Variants in ZNF277 observed in about 807,000 individuals in gnomAD.
ZNF277 encodes the protein nuclear receptor-interacting factor 4.
Under a neutral mutation model 60.7 loss-of-function variants are expected in ZNF277, and 55 were observed. The ratio of observed to expected loss-of-function variants is 0.91; its 90% confidence interval spans 0.73 to 1.13. The LOEUF (loss-of-function observed/expected upper bound fraction) is 1.13, where lower values mean the gene tolerates loss of function less well. Ranked by LOEUF, ZNF277 falls within the 50% of genes most tolerant of loss-of-function variation. ZNF277 has a pLI of 0.00. For synonymous variants in ZNF277, 178 were observed against 179.3 expected (o/e 0.99, Z 0.06); for missense variants, 510 against 523.0 (o/e 0.98, Z 0.24).
intron 1 of ZNF277, among the ~76,000 whole-genome samples, chr7:112,233,480 G>T (rs1822394526): frequency 6.6e-6 from 1 of 152,120 alleles, no homozygotes; most frequent in Admixed American, 6.6e-5. Context: ...GCATATAAGT[G>T]AATTAGAAAG....
intron 5 of ZNF277, among the ~76,000 whole-genome samples, chr7:112,323,008 C>T (rs943088088): frequency 3.3e-5 from 5 of 150,996 alleles, no homozygotes; most frequent in African/African-American, 1.2e-4. Context: ...CGACAGATTT[C>T]GTTAAATTCC....
At chr7:112,239,731 G>A (rs1321203967) in intron 1 of ZNF277, among the ~76,000 whole-genome samples, 1 of 152,150 alleles carries the variant, frequency 6.6e-6, no homozygotes, top group African/African-American at 2.4e-5. Context: ...ATCATCTGAA[G>A]ATGCAAAACT....
chr7:112,270,963 T>C (rs1791656302), intron 1 of ZNF277, among the ~76,000 whole-genome samples: 1 of 152,118 alleles, frequency 6.6e-6, no homozygotes, highest in Non-Finnish European at 1.5e-5. Context: ...AGAATCTCTG[T>C]GTAAAAAAAT....
intron 4 of ZNF277, among the ~76,000 whole-genome samples, chr7:112,300,493 A>T (rs1375571565): frequency 6.6e-6 from 1 of 152,106 alleles, no homozygotes. Context: ...ATGTGTATAC[A>T]TATGTTTCTC....
chr7:112,332,310 A>G (rs117407620), intron 7 of ZNF277, among the ~76,000 whole-genome samples: 1,922 of 152,252 alleles, frequency 0.013, 24 homozygotes, highest in Non-Finnish European at 0.02. Context: ...TTAAGTCACA[A>G]TTTTGTGACA....
At chr7:112,290,635 G>A (rs752465957) in intron 2 of ZNF277, among the ~76,000 whole-genome samples, 7 of 152,136 alleles carry the variant, frequency 4.6e-5, no homozygotes, top group Admixed American at 1.3e-4. Flanking sequence ...CTCTCAGCAA[G>A]TATAAATGTG....
chr7:112,310,478 A>AGAGAGAGAGAGAGAGAGAGAGTGT lies in ZNF277; in HGVS notation c.466-7703_466-7702insAGAGAGAGAGAGAGAGAGAGTGTG, dbSNP rs762824873. The stretch of plus-strand genomic sequence containing the variant: ...TTGAGAGAGAGAGAGAGAGAGAGAG[A>AGAGAGAGAGAGAGAGAGAGAGTGT]GTGTGTGTGTGTGTATGTATTTTAT... On this transcript the variant is annotated intron_variant, in intron 4 of 11. Coordinates refer to ENST00000361822, the MANE Select transcript of ZNF277 (RefSeq NM_021994.3). Among the ~76,000 whole-genome samples the AGAGAGAGAGAGAGAGAGAGAGTGT allele has an allele frequency of 3.5e-4, 44 of 125,570 alleles. 1 individual carries two copies. Among genetic ancestry groups the AGAGAGAGAGAGAGAGAGAGAGTGT allele is most frequent in the African/African-American group, 1.7e-3 (43 of 25,802 alleles). The allele number at this position is 125,570 out of a possible 152,430, so 82.4% of individuals were successfully genotyped here.
At chr7:112,208,673 G>GTTTTTTTT (rs1407981050) in intron 1 of ZNF277, among the ~76,000 whole-genome samples, 2 of 56,812 alleles carry the variant, frequency 3.5e-5, no homozygotes, top group Middle Eastern at 0.015. Flanking sequence ...TGTATGATTT[G>GTTTTTTTT]ATTTTTTTTT....
chr7:112,216,144 A>G (rs1285368439), intron 1 of ZNF277, among the ~76,000 whole-genome samples: 2 of 150,122 alleles, frequency 1.3e-5, no homozygotes, highest in African/African-American at 4.9e-5. Context: ...TGACTTTTGA[A>G]TGCTCTTTAA....
At chr7:112,213,878 C>G (rs1235315778) in intron 1 of ZNF277, among the ~76,000 whole-genome samples, 1 of 152,170 alleles carries the variant, frequency 6.6e-6, no homozygotes, top group Non-Finnish European at 1.5e-5. Context: ...TTCAGTTTCT[C>G]TTCTGTAAAA....
At chr7:112,255,763 T>C (rs571529168) in intron 1 of ZNF277, among the ~76,000 whole-genome samples, 1 of 152,254 alleles carries the variant, frequency 6.6e-6, no homozygotes, top group South Asian at 2.1e-4. Flanking sequence ...CTTATTGGAG[T>C]CAAATCACTG....
At chr7:112,247,524 T>G (rs1042456502) in intron 1 of ZNF277, among the ~76,000 whole-genome samples, 1 of 152,118 alleles carries the variant, frequency 6.6e-6, no homozygotes, top group African/African-American at 2.4e-5. Flanking sequence ...GGAAATAATA[T>G]TGGTGTGAGG....
intron 7 of ZNF277, among the ~76,000 whole-genome samples, chr7:112,330,795 G>C (rs768987004): frequency 2.8e-4 from 43 of 151,940 alleles, no homozygotes; most frequent in Non-Finnish European, 5.7e-4. Context: ...TGTTGGCCAG[G>C]CTGGTCTCGA....
intron 1 of ZNF277, among the ~76,000 whole-genome samples, chr7:112,256,414 CT>C (rs1486320894): frequency 7.7e-6 from 1 of 129,112 alleles, no homozygotes; most frequent in Non-Finnish European, 1.6e-5. Flanking sequence ...TAATTAACTT[CT>C]TTGGAGTTTT....
At chr7:112,270,819 A>G (rs1233616592) in intron 1 of ZNF277, among the ~76,000 whole-genome samples, 1 of 152,106 alleles carries the variant, frequency 6.6e-6, no homozygotes, top group Non-Finnish European at 1.5e-5. Flanking sequence ...AAAATTGATC[A>G]TATCAAGTTT....
intron 1 of ZNF277, among the ~76,000 whole-genome samples, chr7:112,240,076 A>G (rs1404053136): frequency 6.6e-6 from 1 of 152,200 alleles, no homozygotes; most frequent in Admixed American, 6.5e-5. Context: ...TGCAAGCCTC[A>G]TGATAATCTC....
chr7:112,287,180 G>A, intron 2 of ZNF277, 106 bp downstream of exon 2: 2 of 1,135,926 alleles, frequency 1.8e-6, no homozygotes, highest in Non-Finnish European at 2.5e-6. Flanking sequence ...ATCACCCGAG[G>A]CCAGTAGTAG....
intron 1 of ZNF277, among the ~76,000 whole-genome samples, chr7:112,254,704 C>T (rs1441563126): frequency 6.6e-6 from 1 of 152,142 alleles, no homozygotes. Flanking sequence ...TGTGGTGGCT[C>T]ATGGCTGTAA....
At chr7:112,221,134 C>G (rs986789932) in intron 1 of ZNF277, among the ~76,000 whole-genome samples, 33 of 152,114 alleles carry the variant, frequency 2.2e-4, no homozygotes, top group Non-Finnish European at 2.2e-4. Flanking sequence ...AGCGAGGTGC[C>G]CATTGCCGCT....
Sources: allele counts gnomAD v4.1 joint callset (sites outside exome capture counted in the v4.1 genomes callset), GRCh38; gene constraint gnomAD v4.1.1; transcripts MANE v1.5; gene names NCBI Gene and HGNC (gene_info 2026-07-23, HGNC 2026-07-21).